The following NXPH1 variants were observed in gnomAD, a reference collection of about 807,000 sequenced individuals.
NXPH1 encodes the protein neurexophilin 1, also known as neurexophilin-1.
NXPH1 carries 5 observed loss-of-function variants against 23.7 expected under a neutral mutation model. The ratio of observed to expected loss-of-function variants is 0.21; its 90% confidence interval spans 0.11 to 0.44. The LOEUF (loss-of-function observed/expected upper bound fraction) is 0.44, where lower values mean the gene tolerates loss of function less well. NXPH1 is among the 20% of genes least tolerant of loss of function. The pLI is 0.99. For synonymous variants in NXPH1, 144 were observed against 122.2 expected, an observed-to-expected ratio of 1.18 and a Z score of -1.18; for missense variants, 324 against 321.6, an observed-to-expected ratio of 1.01 and a Z score of -0.06.
intron 2 of NXPH1, among the ~76,000 whole-genome samples, chr7:8,463,119 C>T (rs970169692): frequency 6.6e-6 from 1 of 152,162 alleles, no homozygotes; most frequent in African/African-American, 2.4e-5. Flanking sequence ...GGTAATTCTT[C>T]AGTCATAGCC....
intron 2 of NXPH1, among the ~76,000 whole-genome samples, chr7:8,637,206 C>T (rs962534166): frequency 2.6e-5 from 4 of 151,610 alleles, no homozygotes; most frequent in African/African-American, 7.3e-5. Context: ...TCTCATCTTG[C>T]TCACTGCTGG....
intron 2 of NXPH1, among the ~76,000 whole-genome samples, chr7:8,609,936 C>T (rs898366872): frequency 6.6e-6 from 1 of 152,112 alleles, no homozygotes; most frequent in East Asian, 1.9e-4. Flanking sequence ...AATCCCTTGG[C>T]GAAGAAGGTA....
intron 2 of NXPH1, among the ~76,000 whole-genome samples, chr7:8,579,671 C>T (rs529986899): frequency 1.1e-4 from 16 of 152,250 alleles, no homozygotes; most frequent in South Asian, 2.1e-4. Context: ...CACGCCTGGC[C>T]GGAATTCAAG....
chr7:8,490,660 G>T (rs1321563982), intron 2 of NXPH1, among the ~76,000 whole-genome samples: 2 of 152,030 alleles, frequency 1.3e-5, no homozygotes, highest in East Asian at 3.9e-4. Flanking sequence ...CTGTTTACTA[G>T]TATAAAAATC....
Position 8,535,110 on chromosome 7 carries a change from C to A in NXPH1, c.54+99343C>A, listed in dbSNP as rs150533666. ...TACTATCTTTCCTTGTATCCAGATGCTATAGCATCATTTAGACCCAGATAA... is the reference window on the plus strand; with the variant it reads ...TACTATCTTTCCTTGTATCCAGATGATATAGCATCATTTAGACCCAGATAA... On this transcript the variant is annotated intron_variant, in intron 2 of 2. Transcript: ENST00000405863. 3.3e-3 allele frequency among the ~76,000 whole-genome samples: 509 copies of A among 152,118 alleles called. 6 individuals are homozygous for A. The highest frequency in any genetic ancestry group is 0.015 in the East Asian group (77 of 5,154).
At chr7:8,713,680 C>T (rs996603703) in intron 2 of NXPH1, among the ~76,000 whole-genome samples, 8 of 152,114 alleles carry the variant, frequency 5.3e-5, no homozygotes, top group African/African-American at 1.9e-4. Flanking sequence ...TAGGGAGTAC[C>T]CCAAGTGCAA....
chr7:8,500,424 C>T (rs933969431), intron 2 of NXPH1, among the ~76,000 whole-genome samples: 2 of 152,054 alleles, frequency 1.3e-5, no homozygotes, highest in East Asian at 1.9e-4. Flanking sequence ...TGAATTCGAG[C>T]GTGGCATTTT....
intron 2 of NXPH1, among the ~76,000 whole-genome samples, chr7:8,545,866 A>C (rs1859274): frequency 0.37 from 56,259 of 151,156 alleles, 10,639 homozygotes; most frequent in East Asian, 0.5. Flanking sequence ...AAGTTAGCTT[A>C]TGGCCAAATG....
intron 2 of NXPH1, among the ~76,000 whole-genome samples, chr7:8,574,545 C>A (rs1215174759): frequency 6.6e-6 from 1 of 152,072 alleles, no homozygotes; most frequent in Non-Finnish European, 1.5e-5. Flanking sequence ...TGAGTGCATA[C>A]CCACAAAAAG....
intron 2 of NXPH1, among the ~76,000 whole-genome samples, chr7:8,498,250 T>G (rs1239239491): frequency 6.6e-6 from 1 of 152,042 alleles, no homozygotes; most frequent in African/African-American, 2.4e-5. Flanking sequence ...TTATCATACC[T>G]GTCAACCAGT....
chr7:8,676,719 G>A (rs1286570104), intron 2 of NXPH1, among the ~76,000 whole-genome samples: 1 of 152,058 alleles, frequency 6.6e-6, no homozygotes, highest in Non-Finnish European at 1.5e-5. Flanking sequence ...GCTTAACTGG[G>A]TAAAGAAGTA....
At position 8,451,726 on chromosome 7, in the gene NXPH1, A is replaced by G. The variant is rs554900826; in HGVS notation, c.54+15959A>G. 4.6e-5 allele frequency among the ~76,000 whole-genome samples: 7 copies of G among 152,320 alleles called. No individual in the cohort carries two copies. The South Asian group carries it at 8.3e-4, about 18-fold the overall frequency. On this transcript the variant is annotated intron_variant, in intron 2 of 2. Transcript: ENST00000405863. ...CTATATCAAAAACAACCCTCCTCTT[A>G]TATTCAGAAGTATCCTGGTTTGGAT... is the stretch of plus-strand genomic sequence containing the variant.
chr7:8,739,682 T>G (rs1780328277), intron 2 of NXPH1, among the ~76,000 whole-genome samples: 1 of 152,170 alleles, frequency 6.6e-6, no homozygotes, highest in Non-Finnish European at 1.5e-5. Context: ...AACTTTTAAT[T>G]TTTTAAAACT....
chr7:8,544,390 A>G (rs955698134), intron 2 of NXPH1, among the ~76,000 whole-genome samples: 1 of 151,586 alleles, frequency 6.6e-6, no homozygotes, highest in Non-Finnish European at 1.5e-5. Context: ...ACATTGAAGA[A>G]TATTCTCTGG....
rs578226624 is a variant in NXPH1 at position 8,590,303 on chromosome 7, C to G, written c.54+154536C>G. ...AGTAAGTAAGTCTAGGTCTAGGCTA[C>G]CAGGTAAAGACTTGTTTTAATTATG... On this transcript the variant is annotated intron_variant, in intron 2 of 2. Coordinates refer to ENST00000405863, the MANE Select transcript of NXPH1 (RefSeq NM_152745.3). Among the ~76,000 whole-genome samples, 24 of 152,134 alleles carry G rather than the reference C, an allele frequency of 1.6e-4. No homozygotes were observed. The East Asian group carries it at 4.5e-3, about 28-fold the overall frequency.
chr7:8,689,829 C>T (rs1341992605), intron 2 of NXPH1, among the ~76,000 whole-genome samples: 5 of 152,110 alleles, frequency 3.3e-5, no homozygotes, highest in African/African-American at 1.2e-4. Flanking sequence ...TTAGTGACTG[C>T]TACTTAGCAT....
intron 2 of NXPH1, among the ~76,000 whole-genome samples, chr7:8,644,964 C>T (rs1820372332): frequency 6.6e-6 from 1 of 152,106 alleles, no homozygotes. Context: ...TACCTTTTTG[C>T]TTAGCATATT....
intron 2 of NXPH1, among the ~76,000 whole-genome samples, chr7:8,642,238 G>A (rs933684052): frequency 1.3e-5 from 2 of 152,200 alleles, no homozygotes; most frequent in East Asian, 1.9e-4. Context: ...TAGTTAAACT[G>A]AGTATAATGT....
At position 8,575,757 on chromosome 7, in the gene NXPH1, C is replaced by CT. The variant is rs59938417; in HGVS notation, c.54+140002dup. On this transcript the variant is annotated intron_variant, in intron 2 of 2. Transcript: ENST00000405863. Reference sequence around the variant, plus strand: ...AAAAGGTGAGGCATTGGGCAATGATCTTTTTTTTTTTTAAATAAGCTCTTA... The same window carrying CT: ...AAAAGGTGAGGCATTGGGCAATGATCTTTTTTTTTTTTTAAATAAGCTCTTA... Among the ~76,000 whole-genome samples the CT allele has an allele frequency of 7.7e-3, 1,132 of 147,158 alleles. 10 individuals carry two copies. Among genetic ancestry groups the CT allele is most frequent in the African/African-American group, 0.019 (756 of 40,758 alleles).
Sources: allele counts gnomAD v4.1 joint callset (sites outside exome capture counted in the v4.1 genomes callset), GRCh38; gene constraint gnomAD v4.1.1; transcripts MANE v1.5; gene names NCBI Gene and HGNC (gene_info 2026-07-23, HGNC 2026-07-21).